The following TSPAN18 variants were observed in gnomAD, a reference collection of about 807,000 sequenced individuals.
The protein encoded by TSPAN18 is tetraspanin-18.
TSPAN18 carries 14 observed loss-of-function variants against 27.3 expected under a neutral mutation model. The observed-to-expected ratio is 0.51, with a 90% CI of 0.34 to 0.80. TSPAN18 has a LOEUF of 0.80. TSPAN18 is among the 30% of genes least tolerant of loss of function. The pLI is 0.01. For synonymous variants in TSPAN18, 143 were observed against 136.5 expected (o/e 1.05, Z -0.33); for missense variants, 268 against 323.9 (o/e 0.83, Z 1.32).
rs763315661 is a variant in TSPAN18, at chr11:44,919,865, G to A, written c.481G>A (p.Val161Met). 4 of 1,614,112 alleles carry A rather than the reference G, an allele frequency of 2.5e-6. No homozygotes were observed. The highest frequency in any genetic ancestry group is 1.1e-5 in the South Asian group (1 of 91,084). The change falls in exon 8 of 10, where the codon GTG becomes ATG. Residue 161 changes from valine (V) to methionine (M), a missense_variant. Transcript: ENST00000520358. ...NGPEDFKFASVFRLLTLDSEE... is the reference protein window; with the variant it reads ...NGPEDFKFASMFRLLTLDSEE... ...GCCTGAAGACTTTAAGTTTGCATCT[G>A]TGTTTCGACTCCTGACCCTGGATAG...
At chr11:44,751,108 G>T (rs1399710367) in intron 1 of TSPAN18, among the ~76,000 whole-genome samples, 15 of 152,212 alleles carry the variant, frequency 9.9e-5, no homozygotes, top group Admixed American at 9.8e-4. Context: ...GATCACCCAA[G>T]GTGTGTCCGG....
chr11:44,884,771 G>A lies in TSPAN18; in HGVS notation c.-10-21636G>A, dbSNP rs527352215. Reference sequence around the variant, plus strand: ...TGAGGCTGCTGAGGCTCAGAGAGGTGCAGAGACTTGCCAGAAGCTGCACAG... The same window carrying A: ...TGAGGCTGCTGAGGCTCAGAGAGGTACAGAGACTTGCCAGAAGCTGCACAG... On this transcript the variant is annotated intron_variant, in intron 3 of 9. Transcript: ENST00000520358. 1.2e-4 allele frequency among the ~76,000 whole-genome samples: 19 copies of A among 152,344 alleles called. No individual in the cohort carries two copies. In the East Asian group the frequency reaches 3.5e-3, roughly 28 times the overall value.
At chr11:44,861,397 G>A (rs930797798) in intron 3 of TSPAN18, among the ~76,000 whole-genome samples, 8 of 148,884 alleles carry the variant, frequency 5.4e-5, no homozygotes. Flanking sequence ...GGGGGTTGGT[G>A]GGGTGCGGGT....
chr11:44,823,828 C>A (rs1020996288), intron 2 of TSPAN18, among the ~76,000 whole-genome samples: 1 of 152,098 alleles, frequency 6.6e-6, no homozygotes, highest in Non-Finnish European at 1.5e-5. Flanking sequence ...TTCCCATCAC[C>A]CTCTGAGACA....
intron 6 of TSPAN18, among the ~76,000 whole-genome samples, chr11:44,918,516 G>T (rs1313309759): frequency 4.0e-5 from 6 of 150,648 alleles, no homozygotes; most frequent in Non-Finnish European, 8.9e-5. Context: ...CCAGAGCCAG[G>T]CACCATAGCC....
intron 3 of TSPAN18, among the ~76,000 whole-genome samples, chr11:44,901,500 C>T (rs1156804379): frequency 6.6e-6 from 1 of 152,348 alleles, no homozygotes; most frequent in Non-Finnish European, 1.5e-5. Flanking sequence ...CAGGACTACT[C>T]AGCCTCTCGC....
intron 2 of TSPAN18, among the ~76,000 whole-genome samples, chr11:44,784,005 C>G (rs1316876219): frequency 6.6e-6 from 1 of 152,202 alleles, no homozygotes; most frequent in Non-Finnish European, 1.5e-5. Flanking sequence ...GGTCAGAGCA[C>G]AGCCTGCTTT....
At chr11:44,814,689 C>CCATCCATCCATCCATCCAT (rs55970649) in intron 2 of TSPAN18, among the ~76,000 whole-genome samples, 1 of 144,372 alleles carries the variant, frequency 6.9e-6, no homozygotes, top group South Asian at 2.3e-4. Context: ...CATCCATCCA[C>CCATCCATCCATCCATCCAT]CCACCCACCC....
intron 2 of TSPAN18, among the ~76,000 whole-genome samples, chr11:44,780,512 G>A (rs752122006): frequency 2.6e-5 from 4 of 152,180 alleles, no homozygotes; most frequent in South Asian, 4.2e-4. Flanking sequence ...TGACAGCAGC[G>A]ATCCAGACAA....
intron 2 of TSPAN18, among the ~76,000 whole-genome samples, chr11:44,790,235 TTGTG>T (rs945833979): frequency 6.0e-4 from 83 of 138,926 alleles, no homozygotes; most frequent in Non-Finnish European, 8.7e-4. Flanking sequence ...GTCCATGTGT[TTGTG>T]TGTGCCTGTG....
intron 3 of TSPAN18, among the ~76,000 whole-genome samples, chr11:44,888,274 C>G (rs1432330011): frequency 6.6e-6 from 1 of 152,168 alleles, no homozygotes; most frequent in Non-Finnish European, 1.5e-5. Flanking sequence ...CCGACTGGGC[C>G]ACGTGGGAAG....
intron 8 of TSPAN18, among the ~76,000 whole-genome samples, chr11:44,926,105 G>T (rs1860342800): frequency 6.6e-6 from 1 of 152,238 alleles, no homozygotes; most frequent in African/African-American, 2.4e-5. Context: ...GAGGTGGCAT[G>T]CGAGCAGGGA....
intron 1 of TSPAN18, among the ~76,000 whole-genome samples, chr11:44,747,739 T>C (rs949579317): frequency 6.6e-6 from 1 of 152,042 alleles, no homozygotes; most frequent in African/African-American, 2.4e-5. Flanking sequence ...CCTGCACTCA[T>C]CTCCTCATGC....
chr11:44,762,291 G>C (rs10769079), intron 1 of TSPAN18, among the ~76,000 whole-genome samples: 19,763 of 152,224 alleles, frequency 0.13, 2,542 homozygotes, highest in East Asian at 0.68. Flanking sequence ...ACGGGATACT[G>C]TGCAGCTATG....
intron 1 of TSPAN18, among the ~76,000 whole-genome samples, chr11:44,752,962 T>C (rs936005704): frequency 2.6e-5 from 4 of 152,206 alleles, no homozygotes; most frequent in Admixed American, 2.0e-4. Context: ...GATTCTTGGG[T>C]AGGCTTGCTA....
Position 44,909,728 on chromosome 11 carries a change from C to T in TSPAN18, c.87C>T (p.Ala29=), listed in dbSNP as rs967111907. Residue 29 remains alanine (A), a synonymous_variant, in exon 5 of 10, where the codon GCC becomes GCT. Transcript: ENST00000520358. ...FIFLGGACLL[A]IGIWVMVDPT... ...AGCTGGGCGGGGCCTGCCTGCTGGC[C>T]ATCGGCATCTGGGTCATGGTGGACC... 29 of 1,612,192 alleles carry T rather than the reference C, an allele frequency of 1.8e-5. No individual in the cohort carries two copies. The East Asian group carries it at 6.5e-4, about 36-fold the overall frequency.
intron 2 of TSPAN18, among the ~76,000 whole-genome samples, chr11:44,829,616 G>C (rs752836911): frequency 1.3e-5 from 2 of 151,894 alleles, no homozygotes; most frequent in Non-Finnish European, 2.9e-5. Context: ...CAATTTTTTG[G>C]CAATCATGAA....
intron 3 of TSPAN18, among the ~76,000 whole-genome samples, chr11:44,902,307 G>A (rs1859291465): frequency 6.6e-6 from 1 of 152,248 alleles, no homozygotes; most frequent in Non-Finnish European, 1.5e-5. Flanking sequence ...TAGAAAAGGT[G>A]ATGGGCTGGG....
At chr11:44,803,515 A>T (rs1856527541) in intron 2 of TSPAN18, among the ~76,000 whole-genome samples, 1 of 152,126 alleles carries the variant, frequency 6.6e-6, no homozygotes, top group African/African-American at 2.4e-5. Context: ...AAGGTTTTGG[A>T]CCAGGCCAGT....
Sources: gnomAD v4.1 joint callset for allele counts (sites outside exome capture counted in the v4.1 genomes callset) on GRCh38, gnomAD v4.1.1 for gene constraint, MANE v1.5 for transcripts, NCBI Gene and HGNC (gene_info 2026-07-23, HGNC 2026-07-21) for gene names.